The following PLSCR2 variants were observed in gnomAD, a reference collection of about 807,000 sequenced individuals.
PLSCR2 encodes phospholipid scramblase 2.
A neutral mutation model predicts 25.3 loss-of-function variants in PLSCR2; 18 were observed. That is an observed-to-expected ratio of 0.71 (90% CI 0.49 to 1.06). The LOEUF (loss-of-function observed/expected upper bound fraction) is 1.06. Among genes scored for constraint, PLSCR2 ranks in the 50% least tolerant of loss-of-function variants. The pLI is 0.00. For missense variants in PLSCR2, 243 were observed against 269.5 expected (o/e 0.90, Z 0.69); for synonymous variants, 88 against 87.3 (o/e 1.01, Z -0.04).
intron 2 of PLSCR2, among the ~76,000 whole-genome samples, chr3:146,420,068 T>A (rs1440984247): frequency 6.6e-6 from 1 of 152,076 alleles, no homozygotes; most frequent in African/African-American, 2.4e-5. Context: ...AATCAAAATG[T>A]CACAAAGCTC....
At chr3:146,457,899 T>C (rs955611) in intron 3 of PLSCR2, among the ~76,000 whole-genome samples, 87,129 of 152,024 alleles carry the variant, frequency 0.57, 25,459 homozygotes, top group South Asian at 0.76. Context: ...CCACAGTATT[T>C]GTAGGAGATT....
chr3:146,485,559 CT>C (rs1278662261), intron 1 of PLSCR2, among the ~76,000 whole-genome samples: 1 of 152,128 alleles, frequency 6.6e-6, no homozygotes, highest in East Asian at 1.9e-4. Context: ...AAGTAGAACA[CT>C]GCTCAGCAAA....
intron 1 of PLSCR2, among the ~76,000 whole-genome samples, chr3:146,486,446 G>A (rs1163039730): frequency 1.9e-4 from 28 of 149,540 alleles, no homozygotes; most frequent in African/African-American, 6.9e-4. Flanking sequence ...GAAGAAAAGA[G>A]AGAAGAATCA....
intron 6 of PLSCR2, among the ~76,000 whole-genome samples, 155 bp downstream of exon 6, chr3:146,449,051 G>C (rs867038017): frequency 3.3e-5 from 5 of 152,152 alleles, no homozygotes; most frequent in Admixed American, 6.5e-5. Context: ...CAGAGTATCA[G>C]AATCAAATAG....
At chr3:146,400,081 T>C (rs1229903345) in intron 2 of PLSCR2, among the ~76,000 whole-genome samples, 1 of 151,918 alleles carries the variant, frequency 6.6e-6, no homozygotes. Context: ...TAGTGAAATA[T>C]GTGACAAGAA....
Position 146,460,062 on chromosome 3 carries a change from T to C in PLSCR2, c.-158A>G, listed in dbSNP as rs959891544. The stretch of plus-strand genomic sequence containing the variant: ...AGTGTGTCCAGCCTGGTGCTTAGGG[T>C]AGACAATATGTCCGGGAGGTCCTGA... On this transcript the variant is annotated 5_prime_UTR_variant, in exon 2 of 7. Transcript: ENST00000610787. 3 of 1,563,134 alleles carry C rather than the reference T, an allele frequency of 1.9e-6. No homozygotes were observed. In the Admixed American group the frequency reaches 5.8e-5, roughly 30 times the overall value.
At chr3:146,401,036 A>G (rs2038454592) in intron 2 of PLSCR2, among the ~76,000 whole-genome samples, 1 of 152,016 alleles carries the variant, frequency 6.6e-6, no homozygotes, top group Admixed American at 6.6e-5. Flanking sequence ...TTAAATATAA[A>G]TATAGAGTTT....
chr3:146,447,535 G>A (rs1157182780), intron 6 of PLSCR2, among the ~76,000 whole-genome samples: 1 of 152,148 alleles, frequency 6.6e-6, no homozygotes, highest in African/African-American at 2.4e-5. Context: ...ACTCTGTTTA[G>A]TGTCCTATTC....
chr3:146,406,550 G>T (rs1204249594), intron 2 of PLSCR2, among the ~76,000 whole-genome samples: 1 of 152,154 alleles, frequency 6.6e-6, no homozygotes. Context: ...GAGTAGGAAG[G>T]CGCAGAGGAC....
At chr3:146,403,439 T>G (rs766775318) in intron 2 of PLSCR2, among the ~76,000 whole-genome samples, 19 of 152,324 alleles carry the variant, frequency 1.2e-4, no homozygotes, top group Non-Finnish European at 1.2e-4. Context: ...AGAACTTGCA[T>G]TTCTAACATG....
At chr3:146,477,274 G>A (rs1192487977) in intron 1 of PLSCR2, among the ~76,000 whole-genome samples, 1 of 152,174 alleles carries the variant, frequency 6.6e-6, no homozygotes, top group African/African-American at 2.4e-5. Flanking sequence ...CCCAAAGCAG[G>A]GCAGAGCGTT....
chr3:146,421,306 C>A (rs909380816), intron 2 of PLSCR2, among the ~76,000 whole-genome samples: 2 of 151,818 alleles, frequency 1.3e-5, no homozygotes, highest in African/African-American at 4.8e-5. Flanking sequence ...ATATACTAAA[C>A]CCAGAAACCT....
chr3:146,427,552 A>G (rs911034881), intron 2 of PLSCR2, among the ~76,000 whole-genome samples: 10 of 152,210 alleles, frequency 6.6e-5, no homozygotes, highest in African/African-American at 2.2e-4. Context: ...GGCAATGCAC[A>G]CAAGAATACA....
intron 2 of PLSCR2, among the ~76,000 whole-genome samples, chr3:146,404,595 C>T (rs2038587109): frequency 6.6e-6 from 1 of 152,182 alleles, no homozygotes. Flanking sequence ...ATGCAAAATA[C>T]ATTCATTCCA....
At chr3:146,395,583 T>C (rs1220266096) in intron 3 of PLSCR2, among the ~76,000 whole-genome samples, 1 of 152,218 alleles carries the variant, frequency 6.6e-6, no homozygotes, top group East Asian at 1.9e-4. Flanking sequence ...GACACTCTAA[T>C]TTTTGCTTCC....
At chr3:146,482,610 AC>A (rs2043169676) in intron 1 of PLSCR2, among the ~76,000 whole-genome samples, 2 of 152,164 alleles carry the variant, frequency 1.3e-5, no homozygotes, top group African/African-American at 4.8e-5. Flanking sequence ...AAATAGGAAC[AC>A]TTTTACACTG....
At position 146,404,821 on chromosome 3, in the gene PLSCR2, A is replaced by AAAAG. The variant is rs71158238; in HGVS notation, c.101-8901_101-8900insCTTT. Among the ~76,000 whole-genome samples, 47 of 124,738 alleles carry AAAAG rather than the reference A, an allele frequency of 3.8e-4. 2 individuals carry two copies. The Middle Eastern group carries it at 0.013, about 35-fold the overall frequency. The allele number at this position is 124,738 out of a possible 152,430, so 81.8% of individuals were successfully genotyped here. A position where few individuals can be genotyped will look rare whatever the true frequency, so the allele number is the denominator to read the frequency against. ...AGGAAGAAATAGGCAAAAAAAAAAA[A>AAAAG]GGGGGGGGGTGGTGGTTAACTGGTC... On this transcript the variant is annotated intron_variant and NMD_transcript_variant, in intron 2 of 3. Transcript: ENST00000463633.
At chr3:146,426,920 GC>G (rs1227545719) in intron 2 of PLSCR2, among the ~76,000 whole-genome samples, 1 of 152,148 alleles carries the variant, frequency 6.6e-6, no homozygotes, top group Non-Finnish European at 1.5e-5. Flanking sequence ...AGGTAGAACA[GC>G]AGGTCCAAAC....
At chr3:146,418,896 G>T (rs556686376) in intron 2 of PLSCR2, among the ~76,000 whole-genome samples, 1 of 152,154 alleles carries the variant, frequency 6.6e-6, no homozygotes, top group East Asian at 1.9e-4. Context: ...ACTCTTCAAA[G>T]AGTCCTTTGT....
Sources: gnomAD v4.1 joint callset for allele counts (sites outside exome capture counted in the v4.1 genomes callset) on GRCh38, gnomAD v4.1.1 for gene constraint, MANE v1.5 for transcripts, NCBI Gene and HGNC (gene_info 2026-07-23, HGNC 2026-07-21) for gene names.